Variants in PPARGC1A observed in about 807,000 individuals in gnomAD.
The protein encoded by PPARGC1A is PPARG coactivator 1 alpha, also known as peroxisome proliferator-activated receptor gamma coactivator 1-alpha.
PPARGC1A carries 25 observed loss-of-function variants against 88.7 expected under a neutral mutation model. The ratio of observed to expected loss-of-function variants is 0.28; its 90% CI spans 0.21 to 0.39. PPARGC1A has a LOEUF of 0.39. PPARGC1A is among the 10% of genes least tolerant of loss of function. The pLI is 1.00. For synonymous variants in PPARGC1A, 363 were observed against 355.6 expected, an observed-to-expected ratio of 1.02 and a Z score of -0.24; for missense variants, 880 against 968.7, an observed-to-expected ratio of 0.91 and a Z score of 1.22.
chr4:23,802,497 G>GGGTT, intron 10 of PPARGC1A, 152 bp from the exon 11 acceptor site: 1 of 973,596 alleles, frequency 1.0e-6, no homozygotes, highest in Non-Finnish European at 1.5e-6. Flanking sequence ...GGGCAAGATG[G>GGGTT]TGAAACCCCA....
chr4:24,206,216 AC>A, the PPARGC1A span, among the ~76,000 whole-genome samples: 33 of 152,352 alleles, frequency 2.2e-4, no homozygotes, highest in South Asian at 6.8e-3. Context: ...TTAAGATACC[AC>A]AGAAGGAAGT....
chr4:23,989,487 A>T, the PPARGC1A span, among the ~76,000 whole-genome samples: 2,564 of 152,076 alleles, frequency 0.017, 73 homozygotes, highest in African/African-American at 0.057. Flanking sequence ...TTGGGGAGAG[A>T]GGAAGAGGGG....
the PPARGC1A span, among the ~76,000 whole-genome samples, chr4:24,096,503 C>T: frequency 6.6e-6 from 1 of 151,784 alleles, no homozygotes; most frequent in Non-Finnish European, 1.5e-5. Flanking sequence ...ACTTTGTTAC[C>T]ACAGCTCTAG....
At chr4:24,115,407 C>A in the PPARGC1A span, among the ~76,000 whole-genome samples, 1 of 152,004 alleles carries the variant, frequency 6.6e-6, no homozygotes, top group Non-Finnish European at 1.5e-5. Context: ...CAAAGGCAAT[C>A]CTACATGCTT....
At chr4:24,401,528 A>G in the PPARGC1A span, among the ~76,000 whole-genome samples, 1 of 151,568 alleles carries the variant, frequency 6.6e-6, no homozygotes, top group South Asian at 2.1e-4. Flanking sequence ...ACCCACCTTC[A>G]GAGCTGAGGA....
the PPARGC1A span, among the ~76,000 whole-genome samples, chr4:23,994,501 G>T: frequency 2.0e-5 from 3 of 152,126 alleles, no homozygotes; most frequent in African/African-American, 7.2e-5. Context: ...GGCAGAGAAG[G>T]GGGGGCGGTG....
the PPARGC1A span, among the ~76,000 whole-genome samples, chr4:24,184,548 G>A: frequency 6.6e-6 from 1 of 152,208 alleles, no homozygotes; most frequent in African/African-American, 2.4e-5. Flanking sequence ...GGACCTAGTT[G>A]AAGGCTGCAC....
At chr4:24,190,306 G>A in the PPARGC1A span, among the ~76,000 whole-genome samples, 2 of 152,196 alleles carry the variant, frequency 1.3e-5, no homozygotes, top group Admixed American at 1.3e-4. Context: ...ATGAGGTCAG[G>A]AGATCGAGGC....
At chr4:23,796,999 G>A (rs1301856923) in intron 12 of PPARGC1A, among the ~76,000 whole-genome samples, 1 of 151,482 alleles carries the variant, frequency 6.6e-6, no homozygotes, top group African/African-American at 2.4e-5. Context: ...TGCAAACCAA[G>A]CTCTCTAGCT....
At chr4:24,370,410 A>T in the PPARGC1A span, among the ~76,000 whole-genome samples, 1 of 152,228 alleles carries the variant, frequency 6.6e-6, no homozygotes, top group Non-Finnish European at 1.5e-5. Context: ...ACATAGATAG[A>T]TATGACACAT....
At chr4:23,951,459 C>T in the PPARGC1A span, among the ~76,000 whole-genome samples, 11 of 152,256 alleles carry the variant, frequency 7.2e-5, no homozygotes, top group African/African-American at 2.6e-4. Flanking sequence ...CCATGCATTA[C>T]CAAAGGATTC....
At chr4:23,913,261 T>TAGAGAGAGAG in the PPARGC1A span, among the ~76,000 whole-genome samples, 4 of 54,606 alleles carry the variant, frequency 7.3e-5, no homozygotes, top group Non-Finnish European at 1.5e-4. Context: ...TATATATATA[T>TAGAGAGAGAG]ATATATAGAG....
chr4:23,837,410 A>G (rs1327537689), intron 2 of PPARGC1A, among the ~76,000 whole-genome samples: 1 of 150,078 alleles, frequency 6.7e-6, no homozygotes, highest in Non-Finnish European at 1.5e-5. Context: ...AAAAGAGTTG[A>G]CAAAGGCCTG....
At chr4:24,153,479 T>C in the PPARGC1A span, among the ~76,000 whole-genome samples, 1 of 152,152 alleles carries the variant, frequency 6.6e-6, no homozygotes, top group African/African-American at 2.4e-5. Flanking sequence ...ATAAATGAAG[T>C]ATAAATAGCA....
chr4:24,033,245 A>G, the PPARGC1A span, among the ~76,000 whole-genome samples: 1 of 152,242 alleles, frequency 6.6e-6, no homozygotes, highest in African/African-American at 2.4e-5. Context: ...AGGTAATTAG[A>G]ATAGTCCCTC....
chr4:24,421,313 CT>C, the PPARGC1A span, among the ~76,000 whole-genome samples: 41,717 of 137,424 alleles, frequency 0.3, 7,031 homozygotes, highest in Non-Finnish European at 0.4. Context: ...GAACAGTTCA[CT>C]TTTTTTTTTT....
At chr4:24,155,261 A>G in the PPARGC1A span, among the ~76,000 whole-genome samples, 1 of 152,108 alleles carries the variant, frequency 6.6e-6, no homozygotes, top group East Asian at 1.9e-4. Flanking sequence ...GGTGCATTTG[A>G]GAAACAAATC....
chr4:24,048,720 T>C, the PPARGC1A span, among the ~76,000 whole-genome samples: 1 of 152,206 alleles, frequency 6.6e-6, no homozygotes, highest in African/African-American at 2.4e-5. Flanking sequence ...AGGTAAAATT[T>C]TGCTTAGCTA....
chr4:23,978,761 G>T, the PPARGC1A span, among the ~76,000 whole-genome samples: 1 of 152,144 alleles, frequency 6.6e-6, no homozygotes, highest in Non-Finnish European at 1.5e-5. Flanking sequence ...GACTGGGGAG[G>T]GGGAGAGTGA....
Sources: allele counts gnomAD v4.1 joint callset (sites outside exome capture counted in the v4.1 genomes callset), GRCh38; gene constraint gnomAD v4.1.1; transcripts MANE v1.5; gene names NCBI Gene and HGNC (gene_info 2026-07-23, HGNC 2026-07-21).